Variants in ALDH1A1 observed in about 807,000 individuals in gnomAD.
ALDH1A1 encodes aldehyde dehydrogenase 1 family member A1, also known as aldehyde dehydrogenase 1A1.
In ALDH1A1, 19 loss-of-function variants were observed where a neutral mutation model predicts 62.1. The observed-to-expected ratio is 0.31, with a 90% CI of 0.21 to 0.45. The LOEUF is 0.45. Among genes scored for constraint, ALDH1A1 ranks in the 20% least tolerant of loss-of-function variants. The pLI is 1.00. For missense variants in ALDH1A1, 521 were observed against 607.1 expected, an observed-to-expected ratio of 0.86 and a Z score of 1.49; for synonymous variants, 231 against 215.9, an observed-to-expected ratio of 1.07 and a Z score of -0.61.
intron 12 of ALDH1A1, among the ~76,000 whole-genome samples, chr9:72,902,363 C>T (rs745410768): frequency 1.3e-5 from 2 of 151,912 alleles, no homozygotes; most frequent in Non-Finnish European, 2.9e-5. Flanking sequence ...GATCTTGATC[C>T]TTTTTTACCC....
At chr9:72,952,532 C>A (rs1009476651) in intron 1 of ALDH1A1, among the ~76,000 whole-genome samples, 2 of 151,928 alleles carry the variant, frequency 1.3e-5, no homozygotes, top group Admixed American at 1.3e-4. Context: ...TCAGTATGCT[C>A]TCTTTCTCCT....
At chr9:72,939,758 T>C (rs923492227) in intron 2 of ALDH1A1, among the ~76,000 whole-genome samples, 1 of 152,072 alleles carries the variant, frequency 6.6e-6, no homozygotes, top group African/African-American at 2.4e-5. Context: ...CCTCAAGTGA[T>C]CCAACTGCCT....
intron 3 of ALDH1A1, among the ~76,000 whole-genome samples, chr9:72,930,652 C>G (rs1375392010): frequency 2.6e-5 from 4 of 152,102 alleles, no homozygotes; most frequent in Admixed American, 2.6e-4. Context: ...AAAGTTTAGA[C>G]CGTAGAATCT....
rs199838126 is a variant in ALDH1A1 at position 72,903,609 on chromosome 9, T to TA, written c.1434-2330dup. ...GCATTCTCTAGTTGAATTTTTGAAG[T>TA]AAAAAAAAAAAAACCCACAACTTTT... On this transcript the variant is annotated intron_variant, in intron 12 of 12. Transcript: ENST00000297785. Among the ~76,000 whole-genome samples, 780 of 141,810 alleles carry TA rather than the reference T, an allele frequency of 5.5e-3. 3 individuals carry two copies. Among genetic ancestry groups the TA allele is most frequent in the African/African-American group, 9.6e-3 (376 of 39,218 alleles). 93.0% of individuals were successfully genotyped at this position (141,810 alleles called of 152,430 possible). A position where few individuals can be genotyped will look rare whatever the true frequency, so the allele number is the denominator to read the frequency against.
Position 72,953,044 on chromosome 9 carries a change from T to G in ALDH1A1, c.-44A>C. On this transcript the variant is annotated 5_prime_UTR_variant, in exon 1 of 13. Transcript: ENST00000297785. ...AACACAGGTGACTGGCTCAGCAATT[T>G]GGTTCTGATAGAGCACTTGGCTTTA... is the stretch of plus-strand genomic sequence containing the variant. The G allele has an allele frequency of 6.2e-7, 1 of 1,612,718 alleles. No individual in the cohort carries two copies. The highest frequency in any genetic ancestry group is 8.5e-7 in the Non-Finnish European group (1 of 1,179,054).
chr9:72,951,575 A>C (rs1830544758), intron 1 of ALDH1A1, among the ~76,000 whole-genome samples: 1 of 151,856 alleles, frequency 6.6e-6, no homozygotes, highest in Non-Finnish European at 1.5e-5. Context: ...TTTGAGCTTC[A>C]TGAAATGTAT....
intron 12 of ALDH1A1, among the ~76,000 whole-genome samples, chr9:72,905,748 T>C (rs1829870627): frequency 1.3e-5 from 2 of 152,116 alleles, no homozygotes; most frequent in Admixed American, 6.5e-5. Context: ...TAAAATATAG[T>C]AGGAATTTAG....
At chr9:72,952,131 A>T (rs1303988568) in intron 1 of ALDH1A1, among the ~76,000 whole-genome samples, 1 of 151,994 alleles carries the variant, frequency 6.6e-6, no homozygotes, top group African/African-American at 2.4e-5. Flanking sequence ...CACCATAAAG[A>T]TAACTTCAAG....
intron 7 of ALDH1A1, among the ~76,000 whole-genome samples, chr9:72,923,279 T>C (rs1200784674): frequency 6.6e-6 from 1 of 152,206 alleles, no homozygotes; most frequent in Non-Finnish European, 1.5e-5. Context: ...CTCTTCACTG[T>C]CTATACTGTG....
rs889174295 is a variant in ALDH1A1 at position 72,909,539 on chromosome 9, C to T, written c.1358+63G>A. The T allele has an allele frequency of 3.5e-5, 50 of 1,428,188 alleles. No individual in the cohort carries two copies. The African/African-American group carries it at 6.9e-4, about 20-fold the overall frequency. 88.5% of individuals were successfully genotyped at this position (1,428,188 alleles called of 1,614,324 possible). A position where few individuals can be genotyped will look rare whatever the true frequency, so the allele number is the denominator to read the frequency against. On this transcript the variant is annotated intron_variant, in intron 11 of 12. Coordinates refer to ENST00000297785, the MANE Select transcript of ALDH1A1 (RefSeq NM_000689.5). ...TGAAAAATCCAAGTCTGAAAAAGTT[C>T]AAGGTAGTAATCTGTTAATGTGGTT... is the stretch of plus-strand genomic sequence containing the variant.
At chr9:72,906,174 G>A (rs1351716344) in intron 11 of ALDH1A1, 142 bp from the exon 12 acceptor site, 27 of 584,028 alleles carry the variant, frequency 4.6e-5, no homozygotes, top group Non-Finnish European at 6.6e-5. Flanking sequence ...AAAAAAAGTA[G>A]CACTATAAAT....
chr9:72,911,129 A>G lies in ALDH1A1; in HGVS notation c.1200+829T>C, dbSNP rs74961896. 7.7e-3 allele frequency among the ~76,000 whole-genome samples: 1,169 copies of G among 152,256 alleles called. 13 individuals are homozygous for G. The highest frequency in any genetic ancestry group is 0.027 in the African/African-American group (1,112 of 41,538). On this transcript the variant is annotated intron_variant, in intron 10 of 12. Transcript: ENST00000297785. Reference sequence around the variant, plus strand: ...GTGAGCATATATATAATGTATATACACATTATATATGTATACAGACACACA... The same window carrying G: ...GTGAGCATATATATAATGTATATACGCATTATATATGTATACAGACACACA...
intron 9 of ALDH1A1, among the ~76,000 whole-genome samples, chr9:72,913,726 C>T (rs897352781): frequency 6.6e-6 from 1 of 152,222 alleles, no homozygotes; most frequent in Non-Finnish European, 1.5e-5. Context: ...AAACTACAGG[C>T]CTTTGTATTT....
chr9:72,936,659 G>A (rs902754434), intron 2 of ALDH1A1, among the ~76,000 whole-genome samples: 3 of 152,160 alleles, frequency 2.0e-5, no homozygotes, highest in African/African-American at 7.2e-5. Flanking sequence ...TTCTGGGAAT[G>A]GCTTATAGGG....
chr9:72,928,943 G>A lies in ALDH1A1; in HGVS notation c.391C>T (p.Arg131Cys), dbSNP rs371735738. 6.4e-5 allele frequency: 104 copies of A among 1,613,782 alleles called. No homozygotes were observed. The highest frequency in any genetic ancestry group is 1.6e-4 in the Middle Eastern group (1 of 6,082). ...TTGTCAGCCCAACCTGCACAGTAGC[G>A]CAATGTTTTGATGCAGCCTGCTAAA... ...NDLAGCIKTLRYCAGWADKIQ... is the reference protein window; with the variant it reads ...NDLAGCIKTLCYCAGWADKIQ... Residue 131 changes from arginine to cysteine, a missense_variant, in exon 4 of 13, where the codon CGC becomes TGC. Physicochemically the swap from Arg to Cys is radical, Grantham distance 180. Transcript: ENST00000297785.
intron 4 of ALDH1A1, among the ~76,000 whole-genome samples, chr9:72,927,984 T>C (rs187484543): frequency 3.7e-4 from 54 of 144,358 alleles, no homozygotes; most frequent in Middle Eastern, 3.5e-3. Flanking sequence ...GCAAGGACTC[T>C]CTTCATCAAG....
intron 2 of ALDH1A1, among the ~76,000 whole-genome samples, chr9:72,933,378 A>G (rs1444459264): frequency 6.6e-6 from 1 of 152,160 alleles, no homozygotes; most frequent in Non-Finnish European, 1.5e-5. Context: ...ATAAACCATG[A>G]AATATGTTGT....
At chr9:72,903,563 T>C (rs939541066) in intron 12 of ALDH1A1, among the ~76,000 whole-genome samples, 1 of 151,946 alleles carries the variant, frequency 6.6e-6, no homozygotes, top group African/African-American at 2.4e-5. Context: ...CAAATTTGGT[T>C]TCAGGTACAC....
chr9:72,916,072 G>A (rs1830059113), intron 9 of ALDH1A1, among the ~76,000 whole-genome samples: 2 of 152,146 alleles, frequency 1.3e-5, no homozygotes, highest in African/African-American at 2.4e-5. Context: ...GTCACTGCAA[G>A]ATGTTTAGCA....
Sources: allele counts gnomAD v4.1 joint callset (sites outside exome capture counted in the v4.1 genomes callset), GRCh38; gene constraint gnomAD v4.1.1; transcripts MANE v1.5; gene names NCBI Gene and HGNC (gene_info 2026-07-23, HGNC 2026-07-21).